Variants in LRRFIP2 observed in about 807,000 individuals in gnomAD.
LRRFIP2 encodes LRR binding FLII interacting protein 2.
LRRFIP2 carries 109 observed loss-of-function variants against 125.9 expected under a neutral mutation model. The observed-to-expected ratio is 0.87, with a 90% CI of 0.74 to 1.01. LRRFIP2 has a LOEUF of 1.01. Ranked by LOEUF, LRRFIP2 falls within the 50% of genes least tolerant of loss-of-function variation. The pLI, the probability that LRRFIP2 is intolerant of heterozygous loss-of-function variation, is 0.00. For synonymous variants in LRRFIP2, 291 were observed against 293.1 expected (o/e 0.99, Z 0.07); for missense variants, 850 against 862.3 (o/e 0.99, Z 0.18).
At chr3:37,070,305 C>A (rs1052838749) in intron 21 of LRRFIP2, among the ~76,000 whole-genome samples, 1 of 151,298 alleles carries the variant, frequency 6.6e-6, no homozygotes, top group Non-Finnish European at 1.5e-5. Context: ...GTAGAGACAG[C>A]GTTTTACCAT....
At chr3:37,130,517 TC>T (rs994691369) in intron 2 of LRRFIP2, among the ~76,000 whole-genome samples, 8 of 152,130 alleles carry the variant, frequency 5.3e-5, no homozygotes, top group African/African-American at 1.7e-4. Context: ...GTCCAGTAGT[TC>T]CCCCCTTATC....
chr3:37,073,699 C>T (rs1404807067), intron 20 of LRRFIP2, among the ~76,000 whole-genome samples: 2 of 152,132 alleles, frequency 1.3e-5, no homozygotes, highest in Non-Finnish European at 2.9e-5. Context: ...GCACCCTAAG[C>T]TTTTAAAGAA....
chr3:37,100,944 C>A (rs1043028779), intron 15 of LRRFIP2, among the ~76,000 whole-genome samples: 2 of 152,116 alleles, frequency 1.3e-5, no homozygotes, highest in Admixed American at 1.3e-4. Context: ...GCTTAAGAAC[C>A]ACACATAAAA....
intron 19 of LRRFIP2, among the ~76,000 whole-genome samples, chr3:37,075,642 A>G (rs1043887274): frequency 6.6e-6 from 1 of 152,142 alleles, no homozygotes; most frequent in Non-Finnish European, 1.5e-5. Flanking sequence ...CCCTAAATTA[A>G]TCTATACATT....
At chr3:37,150,270 C>T (rs1265469380) in intron 1 of LRRFIP2, among the ~76,000 whole-genome samples, 1 of 152,132 alleles carries the variant, frequency 6.6e-6, no homozygotes, top group Non-Finnish European at 1.5e-5. Flanking sequence ...CAAGACCAGC[C>T]TGACCAACAT....
chr3:37,055,165 C>T lies in LRRFIP2; in HGVS notation c.1871G>A (p.Arg624Lys). Residue 624 changes from arginine (R) to lysine (K), a missense_variant and splice_region_variant, in exon 26 of 28, where the codon AGA (arginine) becomes AAA (lysine). By Grantham distance (26) the Arg-to-Lys change is conservative (BLOSUM62 2). Coordinates refer to ENST00000336686, the MANE Select transcript of LRRFIP2 (RefSeq NM_006309.4). ...GSDLQFIEMQ[R>K]DANRQISEYK... ...TTCGCTAATTTGTCTATTGGCATCT[C>T]CTAGAACAGAAGAAGACAATGAATT... is the stretch of plus-strand genomic sequence containing the variant. 6.4e-7 allele frequency: 1 copy of T among 1,572,630 alleles called. No homozygotes were observed. The highest frequency in any genetic ancestry group is 8.6e-7 in the Non-Finnish European group (1 of 1,159,862).
At chr3:37,130,632 G>T (rs925843661) in intron 2 of LRRFIP2, among the ~76,000 whole-genome samples, 2 of 152,196 alleles carry the variant, frequency 1.3e-5, no homozygotes, top group Non-Finnish European at 2.9e-5. Context: ...ATTCTGAGTA[G>T]TATGATAAAA....
rs2094148254 is a variant in LRRFIP2 at position 37,103,021 on chromosome 3, T to A, written c.784-8A>T. ...ATAATCAGCGGCAGATACCTTTCGG[T>A]CAGAAAAAAAACAAGATGCTTTCAA... On this transcript the variant is annotated splice_polypyrimidine_tract_variant and splice_region_variant and intron_variant, in intron 14 of 27. Transcript: ENST00000336686. 1 of 1,546,830 alleles carries A rather than the reference T, an allele frequency of 6.5e-7. No individual in the cohort carries two copies. The highest frequency in any genetic ancestry group is 8.7e-7 in the Non-Finnish European group (1 of 1,144,244).
chr3:37,089,483 C>A (rs1311530905), intron 18 of LRRFIP2, among the ~76,000 whole-genome samples: 1 of 152,152 alleles, frequency 6.6e-6, no homozygotes, highest in Non-Finnish European at 1.5e-5. Context: ...ATACATCATA[C>A]CACCATGCTT....
intron 6 of LRRFIP2, among the ~76,000 whole-genome samples, chr3:37,117,557 G>A (rs910782342): frequency 1.3e-5 from 2 of 151,814 alleles, no homozygotes; most frequent in African/African-American, 4.8e-5. Context: ...CCAAATTTTT[G>A]ATGCTATAAC....
intron 25 of LRRFIP2, among the ~76,000 whole-genome samples, chr3:37,055,868 C>G (rs1348759772): frequency 6.6e-6 from 1 of 152,150 alleles, no homozygotes; most frequent in African/African-American, 2.4e-5. Flanking sequence ...TTCCCATCTC[C>G]CAGGTTTTGC....
At chr3:37,159,776 G>A (rs2096284448) in intron 1 of LRRFIP2, among the ~76,000 whole-genome samples, 1 of 150,944 alleles carries the variant, frequency 6.6e-6, no homozygotes, top group South Asian at 2.1e-4. Context: ...CAAAGTGCTG[G>A]GATTACAGGC....
chr3:37,169,953 T>C (rs945215701), intron 1 of LRRFIP2, among the ~76,000 whole-genome samples: 2 of 152,224 alleles, frequency 1.3e-5, no homozygotes, highest in African/African-American at 4.8e-5. Flanking sequence ...CTTTTCTTTT[T>C]CTTTTTTTTC....
chr3:37,075,569 A>C (rs961939442), intron 19 of LRRFIP2, among the ~76,000 whole-genome samples: 20 of 152,282 alleles, frequency 1.3e-4, no homozygotes, highest in Middle Eastern at 3.4e-3. Context: ...GGATTGAATA[A>C]ATGGAAAGGC....
At chr3:37,136,768 A>C (rs2095563912) in intron 2 of LRRFIP2, among the ~76,000 whole-genome samples, 1 of 152,184 alleles carries the variant, frequency 6.6e-6, no homozygotes, top group Non-Finnish European at 1.5e-5. Context: ...GGAAATAATG[A>C]TTAAGTAATA....
chr3:37,100,415 T>C (rs1029152012), intron 15 of LRRFIP2, among the ~76,000 whole-genome samples: 1 of 146,444 alleles, frequency 6.8e-6, no homozygotes, highest in East Asian at 1.9e-4. Flanking sequence ...TATATATACA[T>C]ATACATACAT....
Position 37,145,577 on chromosome 3 carries a change from T to A in LRRFIP2, c.90+3317A>T, listed in dbSNP as rs74601929. On this transcript the variant is annotated intron_variant, in intron 2 of 27. Transcript: ENST00000336686. ...ACTTCAAATGGGTGAATGTTAGCCT[T>A]GCTTCTGATACATTTTAGAGAGCTA... Among the ~76,000 whole-genome samples, 12 of 152,324 alleles carry A rather than the reference T, an allele frequency of 7.9e-5. No individual in the cohort carries two copies. The East Asian group carries it at 2.1e-3, about 27-fold the overall frequency.
intron 14 of LRRFIP2, among the ~76,000 whole-genome samples, chr3:37,104,054 A>C (rs1282898614): frequency 6.6e-6 from 1 of 152,204 alleles, no homozygotes; most frequent in Admixed American, 6.5e-5. Context: ...CCACAGAGAT[A>C]AAACAGGCTT....
chr3:37,091,530 A>C lies in LRRFIP2; in HGVS notation c.1044T>G (p.Tyr348Ter). ...CATCCTGTATCTGGTCCTTAAGGTC[A>C]TAGATATCCTGCAGGACATAGGAAT... ...DTSLSELRDI[Y>*]DLKDQIQDVE... Residue 348 changes from tyrosine to a stop codon, truncating the protein, a stop_gained, in exon 18 of 28, where the codon TAT becomes TAG. Transcript: ENST00000336686. LOFTEE classifies it high-confidence loss of function. The C allele has an allele frequency of 6.2e-7, 1 of 1,608,928 alleles. No individual in the cohort carries two copies. Among genetic ancestry groups the C allele is most frequent in the Non-Finnish European group, 8.5e-7 (1 of 1,177,518 alleles).
Sources: gnomAD v4.1 joint callset for allele counts (sites outside exome capture counted in the v4.1 genomes callset) on GRCh38, gnomAD v4.1.1 for gene constraint, MANE v1.5 for transcripts, NCBI Gene and HGNC (gene_info 2026-07-23, HGNC 2026-07-21) for gene names.